The following REC114 variants were observed in gnomAD, a reference collection of about 807,000 sequenced individuals.
REC114 encodes REC114 meiotic recombination protein, also known as meiotic recombination protein REC114.
REC114 carries 27 observed loss-of-function variants against 31.3 expected under a neutral mutation model. The ratio of observed to expected loss-of-function variants is 0.86; its 90% confidence interval spans 0.64 to 1.19. The LOEUF (loss-of-function observed/expected upper bound fraction) is 1.19. REC114 is among the 50% of genes most tolerant of loss of function. The pLI is 0.00. For missense variants in REC114, 344 were observed against 326.9 expected, an observed-to-expected ratio of 1.05 and a Z score of -0.40; for synonymous variants, 134 against 127.7, an observed-to-expected ratio of 1.05 and a Z score of -0.33.
intron 5 of REC114, among the ~76,000 whole-genome samples, 196 bp downstream of exon 5, chr15:73,556,587 A>T (rs1238980895): frequency 6.6e-6 from 1 of 152,210 alleles, no homozygotes; most frequent in Non-Finnish European, 1.5e-5. Context: ...TTGTGAGGTG[A>T]GACATGATGG....
chr15:73,523,108 A>T (rs1893958490), intron 2 of REC114, among the ~76,000 whole-genome samples: 1 of 152,132 alleles, frequency 6.6e-6, no homozygotes, highest in Non-Finnish European at 1.5e-5. Context: ...TTGCCTATTG[A>T]GTTGTCTATA....
At chr15:73,527,158 C>G (rs1037846531) in intron 2 of REC114, among the ~76,000 whole-genome samples, 1 of 152,122 alleles carries the variant, frequency 6.6e-6, no homozygotes, top group Non-Finnish European at 1.5e-5. Flanking sequence ...AATGAAGTCT[C>G]TCTACTCTAG....
chr15:73,457,699 A>T (rs1291581769), intron 1 of REC114, among the ~76,000 whole-genome samples: 1 of 151,926 alleles, frequency 6.6e-6, no homozygotes, highest in Non-Finnish European at 1.5e-5. Context: ...TTTTTATTTC[A>T]TTTAGGAGGT....
At chr15:73,459,392 G>A (rs1005399001) in intron 1 of REC114, among the ~76,000 whole-genome samples, 1 of 151,824 alleles carries the variant, frequency 6.6e-6, no homozygotes, top group Non-Finnish European at 1.5e-5. Context: ...ACTACCGCCC[G>A]GCTAATTTTT....
At chr15:73,538,274 T>TA (rs200639535) in intron 2 of REC114, among the ~76,000 whole-genome samples, 5 of 151,844 alleles carry the variant, frequency 3.3e-5, no homozygotes, top group Admixed American at 2.6e-4. Context: ...AAAGACAGTA[T>TA]AAAAAAAATG....
At chr15:73,444,250 C>T (rs941760448) in intron 1 of REC114, among the ~76,000 whole-genome samples, 7 of 152,142 alleles carry the variant, frequency 4.6e-5, no homozygotes, top group Admixed American at 2.0e-4. Flanking sequence ...CATGGATTGC[C>T]TCTAACTTTC....
intron 1 of REC114, among the ~76,000 whole-genome samples, chr15:73,465,199 G>C (rs1032152118): frequency 2.4e-4 from 36 of 152,016 alleles, no homozygotes; most frequent in Admixed American, 5.2e-4. Flanking sequence ...GCCAGATGCT[G>C]GTCTTAATAA....
chr15:73,471,272 A>G (rs996982249), intron 1 of REC114, among the ~76,000 whole-genome samples: 3 of 152,204 alleles, frequency 2.0e-5, no homozygotes, highest in African/African-American at 4.8e-5. Context: ...TATTTTGAAG[A>G]TAGACATGAA....
intron 2 of REC114, among the ~76,000 whole-genome samples, chr15:73,503,422 T>C (rs1162750234): frequency 3.3e-5 from 5 of 152,192 alleles, no homozygotes; most frequent in Non-Finnish European, 7.3e-5. Flanking sequence ...TCCGTATCTT[T>C]TAAGGATGTA....
At chr15:73,510,837 C>T (rs1304858737) in intron 2 of REC114, among the ~76,000 whole-genome samples, 22 of 151,598 alleles carry the variant, frequency 1.5e-4, no homozygotes, top group Middle Eastern at 3.4e-3. Context: ...CTGCTGGATT[C>T]GTTTTGCCAG....
intron 2 of REC114, among the ~76,000 whole-genome samples, chr15:73,528,826 C>CA (rs1894039137): frequency 2.0e-5 from 3 of 151,304 alleles, no homozygotes; most frequent in Admixed American, 1.3e-4. Flanking sequence ...CCCTTAACAA[C>CA]AAAAAAAATT....
intron 1 of REC114, among the ~76,000 whole-genome samples, chr15:73,449,582 A>C (rs1457737447): frequency 1.3e-5 from 2 of 152,202 alleles, no homozygotes; most frequent in Non-Finnish European, 2.9e-5. Context: ...TCAGGATATT[A>C]TCCAGGAGAA....
chr15:73,478,240 A>G (rs954311603), intron 2 of REC114, among the ~76,000 whole-genome samples: 10 of 137,254 alleles, frequency 7.3e-5, no homozygotes, highest in Non-Finnish European at 1.1e-4. Context: ...CTCCAGCCTC[A>G]GTGACAGAGT....
At chr15:73,504,366 G>A (rs1393179629) in intron 2 of REC114, among the ~76,000 whole-genome samples, 1 of 151,866 alleles carries the variant, frequency 6.6e-6, no homozygotes, top group Non-Finnish European at 1.5e-5. Flanking sequence ...TTATCTTTTT[G>A]TATAGGAATT....
chr15:73,456,692 C>T (rs943254126), intron 1 of REC114, among the ~76,000 whole-genome samples: 2 of 151,848 alleles, frequency 1.3e-5, no homozygotes, highest in Admixed American at 6.6e-5. Context: ...ATTATTATAC[C>T]CATTTTATAG....
chr15:73,479,901 G>GT (rs1490815525), intron 2 of REC114, among the ~76,000 whole-genome samples: 1 of 152,126 alleles, frequency 6.6e-6, no homozygotes, highest in Non-Finnish European at 1.5e-5. Flanking sequence ...TGAATGTGGA[G>GT]TACAGATACC....
At chr15:73,541,514 A>G (rs1183235905) in intron 3 of REC114, among the ~76,000 whole-genome samples, 1 of 152,212 alleles carries the variant, frequency 6.6e-6, no homozygotes, top group African/African-American at 2.4e-5. Context: ...AAACTAATTC[A>G]GTATAATTGG....
chr15:73,510,215 G>T (rs1464542210), intron 2 of REC114, among the ~76,000 whole-genome samples: 1 of 152,116 alleles, frequency 6.6e-6, no homozygotes, highest in African/African-American at 2.4e-5. Flanking sequence ...TTGTGAATGG[G>T]AGTTCACTTA....
chr15:73,484,481 T>C (rs1250248032), intron 2 of REC114, among the ~76,000 whole-genome samples: 1 of 152,228 alleles, frequency 6.6e-6, no homozygotes, highest in Non-Finnish European at 1.5e-5. Flanking sequence ...CTCAAATTCA[T>C]TCTTTAAAAA....
Sources: allele counts gnomAD v4.1 joint callset (sites outside exome capture counted in the v4.1 genomes callset), GRCh38; gene constraint gnomAD v4.1.1; transcripts MANE v1.5; gene names NCBI Gene and HGNC (gene_info 2026-07-23, HGNC 2026-07-21).